The following HDLBP variants were observed in gnomAD, a reference collection of about 807,000 sequenced individuals.
HDLBP encodes high density lipoprotein binding protein.
Under a neutral mutation model 137.3 loss-of-function variants are expected in HDLBP, and 30 were observed. The ratio of observed to expected loss-of-function variants is 0.22; its 90% CI spans 0.16 to 0.30. The LOEUF is 0.30. HDLBP is among the 10% of genes least tolerant of loss of function. The probability of loss-of-function intolerance (pLI) is 1.00; values close to 1 mark genes in which losing one functional copy is unlikely to be tolerated. For missense variants in HDLBP, 1,119 were observed against 1,667.3 expected (o/e 0.67, Z 5.73); for synonymous variants, 606 against 596.0 (o/e 1.02, Z -0.24).
chr2:241,308,321 AAC>A (rs2075647071), intron 1 of HDLBP, among the ~76,000 whole-genome samples: 1 of 152,246 alleles, frequency 6.6e-6, no homozygotes, highest in Non-Finnish European at 1.5e-5. Context: ...ACATCTGGGC[AAC>A]AGAGCAGTAG....
chr2:241,305,829 G>A (rs546955060), intron 1 of HDLBP, among the ~76,000 whole-genome samples: 96 of 148,976 alleles, frequency 6.4e-4, no homozygotes, highest in African/African-American at 1.8e-3. Flanking sequence ...GCGTGATCTC[G>A]GCTCACTGCA....
In HDLBP at chr2:241,272,551, C is replaced by CCAGGTCTG; in HGVS notation, c.-102-4018_-102-4011dup. 1 of 984,622 alleles carries CCAGGTCTG rather than the reference C, an allele frequency of 1.0e-6. No individual in the cohort carries two copies. Among genetic ancestry groups the CCAGGTCTG allele is most frequent in the Non-Finnish European group, 1.2e-6 (1 of 829,656 alleles). The allele number at this position is 984,622 out of a possible 1,614,324, so 61.0% of individuals were successfully genotyped here. ...GCGCAGAAGAGACTCGGAGCCGGCC[C>CCAGGTCTG]CAGGTCTGGCCCGGAACCGCCACGC... is the stretch of plus-strand genomic sequence containing the variant. On this transcript the variant is annotated intron_variant, in intron 1 of 27. Transcript: ENST00000310931. The surrounding 1 kb of genome is among the most constrained non-coding windows in gnomAD (Gnocchi z 5.6).
At position 241,230,739 on chromosome 2, in the gene HDLBP, T is replaced by C. The variant is rs1306317704; in HGVS notation, c.3474+20A>G. ...CCGGTGAGAGAGGATTCTCACCCAC[T>C]GTGCTTCCAGCCGGCTCACCTTGAA... On this transcript the variant is annotated intron_variant, in intron 25 of 27. Coordinates refer to ENST00000310931, the MANE Select transcript of HDLBP (RefSeq NM_005336.6). This position sits in a 1 kb window ranked among gnomAD's most constrained non-coding sequence, Gnocchi z 5.0. The C allele has an allele frequency of 6.2e-7, 1 of 1,611,444 alleles. No individual in the cohort carries two copies. The highest frequency in any genetic ancestry group is 8.5e-7 in the Non-Finnish European group (1 of 1,177,704).
chr2:241,300,693 C>T (rs974328863), intron 1 of HDLBP, among the ~76,000 whole-genome samples: 1 of 152,174 alleles, frequency 6.6e-6, no homozygotes, highest in Non-Finnish European at 1.5e-5. Context: ...ACCTTCACAT[C>T]ACCACCTCAG....
chr2:241,233,884 A>G lies in HDLBP; in HGVS notation c.3224T>C (p.Ile1075Thr). 1 of 1,614,178 alleles carries G rather than the reference A, an allele frequency of 6.2e-7. No individual in the cohort carries two copies. The highest frequency in any genetic ancestry group is 8.5e-7 in the Non-Finnish European group (1 of 1,180,020). Reference protein sequence around the residue: ...PKIIGRKGAVITQIRLEHDVN... With the variant: ...PKIIGRKGAVTTQIRLEHDVN... ...GTCATGCTCCAACCGGATTTGGGTA[A>G]TTACTGCCCCCTTTCTCCCGATAAT... Residue 1075 changes from isoleucine (I) to threonine (T), a missense_variant, in exon 24 of 28, where the codon ATT becomes ACT. Transcript: ENST00000310931. The surrounding 1 kb of genome is among the most constrained non-coding windows in gnomAD (Gnocchi z 4.3).
At chr2:241,244,960 G>A (rs2071546445) in intron 16 of HDLBP, among the ~76,000 whole-genome samples, 1 of 152,088 alleles carries the variant, frequency 6.6e-6, no homozygotes, top group African/African-American at 2.4e-5. Flanking sequence ...CTCTGAAAAT[G>A]GACAGGGTGA....
rs1168896910 is a variant in HDLBP at position 241,256,178 on chromosome 2, G to A, written c.873+6C>T. ...CATGGGGATTTGCCTCCTCTAAATC[G>A]TGTACCTTCTCCTCATAAATCTTCT... On this transcript the variant is annotated splice_donor_region_variant and intron_variant, in intron 7 of 27. Transcript: ENST00000310931. 6 of 1,612,126 alleles carry A rather than the reference G, an allele frequency of 3.7e-6. No homozygotes were observed. Among genetic ancestry groups the A allele is most frequent in the Middle Eastern group, 1.7e-4 (1 of 6,058 alleles).
At chr2:241,270,689 G>A (rs897816000) in intron 1 of HDLBP, among the ~76,000 whole-genome samples, 8 of 152,126 alleles carry the variant, frequency 5.3e-5, no homozygotes, top group Admixed American at 1.3e-4. Flanking sequence ...TGACCCTACA[G>A]CCCCATGTCC....
chr2:241,246,823 T>C lies in HDLBP; in HGVS notation c.1879A>G (p.Ile627Val). 4 of 1,614,166 alleles carry C rather than the reference T, an allele frequency of 2.5e-6. No homozygotes were observed. Among genetic ancestry groups the C allele is most frequent in the Non-Finnish European group, 3.4e-6 (4 of 1,179,962 alleles). ...LPAENSNSET[I>V]IITGKRANCE... ...TTGGCTCGCTTGCCTGTGATGATAA[T>C]GGTCTCTGAATTGCTATTCTCTGCT... Residue 627 changes from isoleucine (I) to valine (V), a missense_variant, in exon 16 of 28, where the codon ATT becomes GTT. Physicochemically the swap from Ile to Val is conservative, Grantham distance 29. Coordinates refer to ENST00000310931, the MANE Select transcript of HDLBP (RefSeq NM_005336.6).
At position 241,288,209 on chromosome 2, in the gene HDLBP, T is replaced by C. The variant is rs12473908; in HGVS notation, c.-102-19668A>G. On this transcript the variant is annotated intron_variant, in intron 1 of 27. Transcript: ENST00000310931. ...ATTTTCTCTGCTGTGCTATTCTCAT[T>C]ACAATTGCCACGTTATCTGCAAGAC... Among the ~76,000 whole-genome samples the C allele has an allele frequency of 7.1e-3, 1,086 of 152,356 alleles. 31 individuals are homozygous for C. The South Asian group carries it at 0.074, about 10-fold the overall frequency.
chr2:241,278,997 C>T (rs759941708), intron 1 of HDLBP, among the ~76,000 whole-genome samples: 9 of 152,054 alleles, frequency 5.9e-5, no homozygotes, highest in Non-Finnish European at 8.8e-5. Flanking sequence ...TGCACTGCCG[C>T]GTGAGCAACA....
At position 241,272,384 on chromosome 2, in the gene HDLBP, C is replaced by CCG; in HGVS notation, c.-102-3845_-102-3844dup. On this transcript the variant is annotated intron_variant, in intron 1 of 27. Transcript: ENST00000310931. This position sits in a 1 kb window ranked among gnomAD's most constrained non-coding sequence, Gnocchi z 5.6. Reference sequence around the variant, plus strand: ...ACCTGGGCTCAGGTCGGCCGCCCCTCCGCGCCGTGCGGCCACGGCACCAGG... The same window carrying CCG: ...ACCTGGGCTCAGGTCGGCCGCCCCTCCGCGCGCCGTGCGGCCACGGCACCAGG... The CCG allele has an allele frequency of 1.0e-6, 1 of 984,820 alleles. No homozygotes were observed. The highest frequency in any genetic ancestry group is 1.2e-6 in the Non-Finnish European group (1 of 829,730). 61.0% of individuals were successfully genotyped at this position (984,820 alleles called of 1,614,324 possible).
chr2:241,258,517 C>T (rs1574945833), intron 5 of HDLBP, among the ~76,000 whole-genome samples: 1 of 152,096 alleles, frequency 6.6e-6, no homozygotes, highest in South Asian at 2.1e-4. Flanking sequence ...GGCTGAGACC[C>T]TGTGTTACAA....
rs779242547 is a variant in HDLBP, at chr2:241,239,569, T to TGA, written c.2610+31_2610+32dup. ...GCTTCGGTGAGTGGCCACTGGGGGG[T>TGA]GAGAACCCCTCCCCGAGCACCCAAG... is the stretch of plus-strand genomic sequence containing the variant. On this transcript the variant is annotated intron_variant, in intron 19 of 27. Transcript: ENST00000310931. This position sits in a 1 kb window ranked among gnomAD's most constrained non-coding sequence, Gnocchi z 4.6. 4.7e-5 allele frequency: 73 copies of TGA among 1,563,908 alleles called. No individual in the cohort carries two copies. The Admixed American group carries it at 1.2e-3, about 26-fold the overall frequency.
intron 1 of HDLBP, among the ~76,000 whole-genome samples, chr2:241,306,267 CT>C (rs923058053): frequency 5.9e-4 from 84 of 143,274 alleles, no homozygotes; most frequent in East Asian, 3.9e-3. Flanking sequence ...AGAGATTCAG[CT>C]TTTTTTTTTT....
chr2:241,248,183 T>C (rs868000117), intron 13 of HDLBP, 61 bp downstream of exon 13: 6 of 1,552,814 alleles, frequency 3.9e-6, no homozygotes, highest in Middle Eastern at 1.7e-4. Context: ...ATATCAAATA[T>C]TCCTGAAGTG....
intron 1 of HDLBP, among the ~76,000 whole-genome samples, chr2:241,313,436 T>A (rs982543404): frequency 6.6e-6 from 1 of 152,006 alleles, no homozygotes; most frequent in South Asian, 2.1e-4. Context: ...CGCGCCACCA[T>A]GCCAGGCTAA....
intron 1 of HDLBP, among the ~76,000 whole-genome samples, chr2:241,314,455 T>C (rs1433555609): frequency 6.6e-6 from 1 of 152,196 alleles, no homozygotes; most frequent in Non-Finnish European, 1.5e-5. Flanking sequence ...AGACACCAAA[T>C]AAATGTGAAG....
chr2:241,241,852 G>T (rs2071270851), intron 17 of HDLBP, among the ~76,000 whole-genome samples: 1 of 152,144 alleles, frequency 6.6e-6, no homozygotes, highest in Non-Finnish European at 1.5e-5. Flanking sequence ...GCCTGCAAAA[G>T]TCAAAACTGC....
Sources: gnomAD v4.1 joint callset for allele counts (sites outside exome capture counted in the v4.1 genomes callset) on GRCh38, gnomAD v4.1.1 for gene constraint, Gnocchi (gnomAD v3.1) non-coding constraint, MANE v1.5 for transcripts, NCBI Gene and HGNC (gene_info 2026-07-23, HGNC 2026-07-21) for gene names.